The following PHACTR2 variants were observed in gnomAD, a reference collection of about 807,000 sequenced individuals.
PHACTR2 encodes chromosome 6 open reading frame 56.
PHACTR2 carries 30 observed loss-of-function variants against 76.0 expected under a neutral mutation model. The observed-to-expected ratio is 0.39, with a 90% CI of 0.30 to 0.54. The LOEUF is 0.54. PHACTR2 is among the 20% of genes least tolerant of loss of function. The pLI is 0.61. For missense variants in PHACTR2, 696 were observed against 781.1 expected, an observed-to-expected ratio of 0.89 and a Z score of 1.30; for synonymous variants, 292 against 292.5, an observed-to-expected ratio of 1.00 and a Z score of 0.02.
rs141906225 is a variant in PHACTR2, at chr6:143,723,361, A to G, written c.214+11178A>G. 7.1e-3 allele frequency among the ~76,000 whole-genome samples: 1,077 copies of G among 152,200 alleles called. 13 individuals are homozygous for G. Among genetic ancestry groups the G allele is most frequent in the African/African-American group, 0.024 (1,015 of 41,478 alleles). The stretch of plus-strand genomic sequence containing the variant: ...TATTCTTATTTTTAAAAATCAGTAG[A>G]GGAGGGTTTGAGGAGTTTTGATGTG... On this transcript the variant is annotated intron_variant, in intron 2 of 12. Transcript: ENST00000440869.
At position 143,570,035 on chromosome 6, in the gene PHACTR2, C is replaced by G. The variant is rs371550568; in HGVS notation, c.217+32828C>G. 4.5e-4 allele frequency among the ~76,000 whole-genome samples: 69 copies of G among 152,284 alleles called. No individual in the cohort carries two copies. Among genetic ancestry groups the G allele is most frequent in the African/African-American group, 1.5e-3 (62 of 41,560 alleles). The stretch of plus-strand genomic sequence containing the variant: ...ACATTACTATAAAAAATGTTTAAAT[C>G]TAGGAACCTAAATAATAAAAGTCCC... On this transcript the variant is annotated intron_variant, in intron 1 of 11. Coordinates refer to the PHACTR2 transcript ENST00000367584. The surrounding 1 kb of genome is among the most constrained non-coding windows in gnomAD (Gnocchi z 4.6).
intron 1 of PHACTR2, among the ~76,000 whole-genome samples, chr6:143,706,901 T>C (rs1778066362): frequency 6.6e-6 from 1 of 152,236 alleles, no homozygotes; most frequent in Non-Finnish European, 1.5e-5. Context: ...TAACCAGTAG[T>C]GGGTAGCTTC....
chr6:143,783,266 A>G lies in PHACTR2; in HGVS notation c.1693A>G (p.Arg565Gly). The change falls in exon 10 of 13, where the codon AGA becomes GGA. Residue 565 changes from arginine (R) to glycine (G), a missense_variant. By Grantham distance (125) the Arg-to-Gly change is moderately radical (BLOSUM62 -2). Coordinates refer to ENST00000440869, the MANE Select transcript of PHACTR2 (RefSeq NM_001100164.2). This position sits in a 1 kb window ranked among gnomAD's most constrained non-coding sequence, Gnocchi z 5.2. ...AGAAGCAAAAATGGAACTTAAACGC[A>G]GACTCAGCAGAAAGGTAATGAAATC... is the stretch of plus-strand genomic sequence containing the variant. ...EQEAKMELKR[R>G]LSRKLSLRPT... 1 of 1,604,742 alleles carries G rather than the reference A, an allele frequency of 6.2e-7. No homozygotes were observed. Among genetic ancestry groups the G allele is most frequent in the Non-Finnish European group, 8.5e-7 (1 of 1,171,888 alleles).
rs531204278 is a variant in PHACTR2, at chr6:143,592,967, G to A, written c.217+55760G>A. 7.3e-5 allele frequency among the ~76,000 whole-genome samples: 11 copies of A among 150,474 alleles called. No homozygotes were observed. The highest frequency in any genetic ancestry group is 1.6e-4 in the Non-Finnish European group (11 of 67,868). On this transcript the variant is annotated intron_variant, in intron 1 of 11. Transcript: ENST00000367584. This position sits in a 1 kb window ranked among gnomAD's most constrained non-coding sequence, Gnocchi z 4.0. The stretch of plus-strand genomic sequence containing the variant: ...GAGGTGGGAGGATCGCTTGAGCCTG[G>A]GAAGTCGATACTATTGTAAGCTGAG...
At chr6:143,781,321 C>T (rs1202773461) in intron 9 of PHACTR2, among the ~76,000 whole-genome samples, 1 of 152,170 alleles carries the variant, frequency 6.6e-6, no homozygotes, top group African/African-American at 2.4e-5. Context: ...ACTAGCTGAA[C>T]AATATGCTTA....
chr6:143,648,943 T>A lies in PHACTR2; in HGVS notation c.13+40621T>A, dbSNP rs545341002. 6.6e-6 allele frequency among the ~76,000 whole-genome samples: 1 copy of A among 150,774 alleles called. No individual in the cohort carries two copies. On this transcript the variant is annotated intron_variant, in intron 1 of 11. Transcript: ENST00000305766. The surrounding 1 kb of genome is among the most constrained non-coding windows in gnomAD (Gnocchi z 6.7). ...CTATGTGTATGTCTATGTCTATGTATGTTTGTGTGTGTCTGTGTGTCTATG... is the reference window on the plus strand; with the variant it reads ...CTATGTGTATGTCTATGTCTATGTAAGTTTGTGTGTGTCTGTGTGTCTATG...
intron 12 of PHACTR2, among the ~76,000 whole-genome samples, chr6:143,814,747 C>A (rs1776262842): frequency 6.6e-6 from 1 of 151,994 alleles, no homozygotes; most frequent in African/African-American, 2.4e-5. Context: ...GGACTACAGG[C>A]GCCCACCACT....
In PHACTR2 at chr6:143,567,333, G is replaced by A. The variant is rs142201561; in HGVS notation, c.217+30126G>A. Among the ~76,000 whole-genome samples, 7 of 152,050 alleles carry A rather than the reference G, an allele frequency of 4.6e-5. No homozygotes were observed. The East Asian group carries it at 1.4e-3, about 29-fold the overall frequency. Reference sequence around the variant, plus strand: ...GAGAGAAGAGACACTTTCTCCTATAGTTTTCTCCATACAGGCTTTGGTCTT... The same window carrying A: ...GAGAGAAGAGACACTTTCTCCTATAATTTTCTCCATACAGGCTTTGGTCTT... On this transcript the variant is annotated intron_variant, in intron 1 of 11. Coordinates refer to the PHACTR2 transcript ENST00000367584.
At chr6:143,566,807 T>C (rs1366263514) in intron 1 of PHACTR2, among the ~76,000 whole-genome samples, 1 of 150,272 alleles carries the variant, frequency 6.7e-6, no homozygotes, top group Non-Finnish European at 1.5e-5. Flanking sequence ...TTTCAGCATG[T>C]AATACTAAAG....
chr6:143,724,840 G>T (rs771151047), intron 2 of PHACTR2, among the ~76,000 whole-genome samples: 23 of 152,242 alleles, frequency 1.5e-4, no homozygotes, highest in South Asian at 4.1e-4. Flanking sequence ...TTTGGTTGTG[G>T]CCATGGGCCA....
In PHACTR2 at chr6:143,608,375, G is replaced by T. The variant is rs117790489; in HGVS notation, c.13+53G>T. On this transcript the variant is annotated intron_variant, in intron 1 of 11. Transcript: ENST00000305766. The surrounding 1 kb of genome is among the most constrained non-coding windows in gnomAD (Gnocchi z 4.6). ...TAGCTGCTGGCTTCCTTTGCAGCCC[G>T]CATCCTTTACTGCGGAAGGTTTGCC... 9,653 of 1,587,196 alleles carry T rather than the reference G, an allele frequency of 6.1e-3. 42 individuals carry two copies. Among genetic ancestry groups the T allele is most frequent in the Non-Finnish European group, 7.3e-3 (8,426 of 1,156,188 alleles).
At position 143,683,111 on chromosome 6, in the gene PHACTR2, ATCCATTAT is replaced by A. The variant is rs1422843748; in HGVS notation, c.46+4904_46+4911del. The stretch of plus-strand genomic sequence containing the variant: ...ACAAAAGTATTTTACTGAGAATTGG[ATCCATTAT>A]TTCTAAGTACAGGCTAAAACGATAT... On this transcript the variant is annotated intron_variant, in intron 1 of 12. Coordinates refer to ENST00000440869, the MANE Select transcript of PHACTR2 (RefSeq NM_001100164.2). The surrounding 1 kb of genome is among the most constrained non-coding windows in gnomAD (Gnocchi z 4.1). Among the ~76,000 whole-genome samples, 1 of 152,152 alleles carries A rather than the reference ATCCATTAT, an allele frequency of 6.6e-6. No homozygotes were observed. Among genetic ancestry groups the A allele is most frequent in the Non-Finnish European group, 1.5e-5 (1 of 68,032 alleles).
At position 143,739,626 on chromosome 6, in the gene PHACTR2, G is replaced by C. The variant is rs1027330950; in HGVS notation, c.215-9359G>C. ...GAGTTTGCGAGAGTCCGAGTGAAGG[G>C]GAAGGACAGGCTGTGTTACACGTAG... On this transcript the variant is annotated intron_variant, in intron 2 of 12. Transcript: ENST00000440869. This position sits in a 1 kb window ranked among gnomAD's most constrained non-coding sequence, Gnocchi z 4.3. 6.6e-6 allele frequency among the ~76,000 whole-genome samples: 1 copy of C among 152,160 alleles called. No homozygotes were observed. The highest frequency in any genetic ancestry group is 2.4e-5 in the African/African-American group (1 of 41,422).
chr6:143,690,870 A>G (rs7753075), intron 1 of PHACTR2, among the ~76,000 whole-genome samples: 3,060 of 152,326 alleles, frequency 0.02, 89 homozygotes, highest in African/African-American at 0.063. Flanking sequence ...TAAGATCTAC[A>G]TTGAATAATT....
intron 1 of PHACTR2, among the ~76,000 whole-genome samples, chr6:143,706,510 C>T (rs1430037227): frequency 2.6e-5 from 4 of 152,192 alleles, no homozygotes; most frequent in Non-Finnish European, 4.4e-5. Flanking sequence ...TTTACTCTCT[C>T]GCTTATCTGT....
intron 11 of PHACTR2, among the ~76,000 whole-genome samples, chr6:143,797,984 T>C (rs1178080309): frequency 1.3e-5 from 2 of 152,232 alleles, no homozygotes; most frequent in East Asian, 1.9e-4. Flanking sequence ...TAAATTACTT[T>C]GGGCAGTAAG....
In PHACTR2 at chr6:143,775,058, A is replaced by G. The variant is rs1775240730; in HGVS notation, c.1589+843A>G. ...TCTAGAATCCCAGAGCAGGATTTGG[A>G]GGTGGGGGGAAAATTGCTGTCCTTG... On this transcript the variant is annotated intron_variant, in intron 8 of 12. Coordinates refer to ENST00000440869, the MANE Select transcript of PHACTR2 (RefSeq NM_001100164.2). The surrounding 1 kb of genome is among the most constrained non-coding windows in gnomAD (Gnocchi z 4.4). Among the ~76,000 whole-genome samples, 1 of 152,080 alleles carries G rather than the reference A, an allele frequency of 6.6e-6. No homozygotes were observed. Among genetic ancestry groups the G allele is most frequent in the Non-Finnish European group, 1.5e-5 (1 of 68,014 alleles).
In PHACTR2 at chr6:143,700,974, T is replaced by C. The variant is rs1275390016; in HGVS notation, c.47-11042T>C. On this transcript the variant is annotated intron_variant, in intron 1 of 12. Transcript: ENST00000440869. The surrounding 1 kb of genome is among the most constrained non-coding windows in gnomAD (Gnocchi z 4.1). ...AGAGACAACCCTTCCCTTGTAGCGA[T>C]AACAGTGGCATTCAAAACGTAAAAT... is the stretch of plus-strand genomic sequence containing the variant. Among the ~76,000 whole-genome samples the C allele has an allele frequency of 6.6e-6, 1 of 152,260 alleles. No homozygotes were observed. The highest frequency in any genetic ancestry group is 1.9e-4 in the East Asian group (1 of 5,202).
At chr6:143,552,226 G>A (rs1197613776) in intron 1 of PHACTR2, among the ~76,000 whole-genome samples, 1 of 152,142 alleles carries the variant, frequency 6.6e-6, no homozygotes, top group Non-Finnish European at 1.5e-5. Context: ...GGAAGAAAGA[G>A]TGTGGTGAGG....
Sources: gnomAD v4.1 joint callset for allele counts (sites outside exome capture counted in the v4.1 genomes callset) on GRCh38, gnomAD v4.1.1 for gene constraint, Gnocchi (gnomAD v3.1) non-coding constraint, MANE v1.5 for transcripts, NCBI Gene and HGNC (gene_info 2026-07-23, HGNC 2026-07-21) for gene names.